Variants in MAN2A1 observed in about 807,000 individuals in gnomAD.
The protein encoded by MAN2A1 is alpha-mannosidase 2.
In MAN2A1, 76 loss-of-function variants were observed where a neutral mutation model predicts 142.6. The ratio of observed to expected loss-of-function variants is 0.53; its 90% CI spans 0.44 to 0.65. The LOEUF is 0.65. Among genes scored for constraint, MAN2A1 ranks in the 30% least tolerant of loss-of-function variants. The pLI is 0.00. For missense variants in MAN2A1, 1,311 were observed against 1,365.1 expected (o/e 0.96, Z 0.62); for synonymous variants, 559 against 473.2 (o/e 1.18, Z -2.35).
At position 109,753,406 on chromosome 5, in the gene MAN2A1, T is replaced by G. The variant is rs192473344; in HGVS notation, c.708-1923T>G. 4.1e-4 allele frequency among the ~76,000 whole-genome samples: 63 copies of G among 152,330 alleles called. 1 individual carries two copies. Among genetic ancestry groups the G allele is most frequent in the Middle Eastern group, 6.8e-3 (2 of 294 alleles). ...GGGCGTTTTTTAGAAATTTCCAGCTTCTTCATTGTAGATTCTTGATTTGGG... is the reference window on the plus strand; with the variant it reads ...GGGCGTTTTTTAGAAATTTCCAGCTGCTTCATTGTAGATTCTTGATTTGGG... On this transcript the variant is annotated intron_variant, in intron 4 of 21. Transcript: ENST00000261483.
At chr5:109,726,846 T>G (rs1245351090) in intron 3 of MAN2A1, among the ~76,000 whole-genome samples, 1 of 152,248 alleles carries the variant, frequency 6.6e-6, no homozygotes, top group Admixed American at 6.5e-5. Flanking sequence ...TTTATAGTTC[T>G]TTAGCTAGTA....
chr5:109,707,983 G>A (rs761879363), intron 1 of MAN2A1, among the ~76,000 whole-genome samples: 3 of 152,050 alleles, frequency 2.0e-5, no homozygotes, highest in East Asian at 3.9e-4. Context: ...AGGTTTCAGC[G>A]GGAGATACAA....
chr5:109,788,946 G>T lies in MAN2A1; in HGVS notation c.1773G>T (p.Ser591=), dbSNP rs751012585. 30 of 1,552,120 alleles carry T rather than the reference G, an allele frequency of 1.9e-5. No individual in the cohort carries two copies. The highest frequency in any genetic ancestry group is 1.7e-4 in the Middle Eastern group (1 of 5,916). ...TTTTGATTTACAGACTTTTTCATTCGTTAATGGTTTTGGAGAAGATAATTG... is the reference window on the plus strand; with the variant it reads ...TTTTGATTTACAGACTTTTTCATTCTTTAATGGTTTTGGAGAAGATAATTG... ...VVDYGTRLFH[S]LMVLEKIIGN... The change falls in exon 11 of 22, where the codon TCG becomes TCT. Residue 591 remains serine (S), a synonymous_variant. Transcript: ENST00000261483.
intron 20 of MAN2A1, among the ~76,000 whole-genome samples, chr5:109,860,948 T>A (rs1417406838): frequency 6.6e-6 from 1 of 152,240 alleles, no homozygotes; most frequent in Non-Finnish European, 1.5e-5. Context: ...CAGTATTTTG[T>A]TATTTTACAT....
chr5:109,811,573 C>CGTGT (rs70999943), intron 12 of MAN2A1, among the ~76,000 whole-genome samples: 5,156 of 144,978 alleles, frequency 0.036, 106 homozygotes, highest in Middle Eastern at 0.066. Flanking sequence ...TCCTAACAGC[C>CGTGT]GTGTGTGTGT....
At chr5:109,795,937 A>G (rs1378731641) in intron 12 of MAN2A1, among the ~76,000 whole-genome samples, 1 of 152,166 alleles carries the variant, frequency 6.6e-6, no homozygotes, top group East Asian at 1.9e-4. Context: ...CTTGTAGCTA[A>G]CAGGCTGTTA....
chr5:109,779,580 C>G (rs1311827268), intron 8 of MAN2A1, among the ~76,000 whole-genome samples: 2 of 121,130 alleles, frequency 1.7e-5, no homozygotes, highest in Non-Finnish European at 3.7e-5. Context: ...CACACACACA[C>G]ACAAACACAC....
At chr5:109,866,439 G>A (rs1415628558) in intron 21 of MAN2A1, among the ~76,000 whole-genome samples, 2 of 152,150 alleles carry the variant, frequency 1.3e-5, no homozygotes, top group Non-Finnish European at 2.9e-5. Context: ...TTAGGGGTAA[G>A]TATTGACTAA....
At chr5:109,703,734 GTAAT>G (rs1337304306) in intron 1 of MAN2A1, among the ~76,000 whole-genome samples, 1 of 152,146 alleles carries the variant, frequency 6.6e-6, no homozygotes, top group Admixed American at 6.5e-5. Context: ...GGATTTGTAA[GTAAT>G]AAAACTGCAT....
At chr5:109,860,964 A>G (rs369886329) in intron 20 of MAN2A1, among the ~76,000 whole-genome samples, 1 of 152,196 alleles carries the variant, frequency 6.6e-6, no homozygotes, top group African/African-American at 2.4e-5. Context: ...TACATCAAAA[A>G]TATTTTTTAT....
chr5:109,691,868 T>C (rs1750681726), intron 1 of MAN2A1, among the ~76,000 whole-genome samples: 1 of 152,224 alleles, frequency 6.6e-6, no homozygotes, highest in African/African-American at 2.4e-5. Flanking sequence ...TGTCCAGTGC[T>C]TCTTGATGAG....
intron 12 of MAN2A1, among the ~76,000 whole-genome samples, chr5:109,802,482 G>T (rs1197503271): frequency 6.6e-6 from 1 of 152,072 alleles, no homozygotes; most frequent in Non-Finnish European, 1.5e-5. Flanking sequence ...TAGAGTATTG[G>T]TTTGGGCGAA....
intron 5 of MAN2A1, among the ~76,000 whole-genome samples, chr5:109,765,879 T>G (rs1752975657): frequency 6.6e-6 from 1 of 152,108 alleles, no homozygotes; most frequent in African/African-American, 2.4e-5. Flanking sequence ...GTCTCTTTGC[T>G]TTATGACGCA....
intron 3 of MAN2A1, among the ~76,000 whole-genome samples, chr5:109,722,890 C>T (rs1450293040): frequency 6.6e-6 from 1 of 152,124 alleles, no homozygotes; most frequent in African/African-American, 2.4e-5. Context: ...TTTCAAATAA[C>T]CAAGCTCTGT....
At position 109,729,440 on chromosome 5, in the gene MAN2A1, A is replaced by C; in HGVS notation, c.634A>C (p.Ile212Leu). 6.2e-7 allele frequency: 1 copy of C among 1,604,436 alleles called. No individual in the cohort carries two copies. Among genetic ancestry groups the C allele is most frequent in the Non-Finnish European group, 8.5e-7 (1 of 1,173,990 alleles). ...GAAAGAAGACTCACGGAGGAAGTTT[A>C]TTTGGTCTGAGATCTCTTACCTTTC... ...KLKEDSRRKF[I>L]WSEISYLSKW... The change falls in exon 4 of 22, where the codon ATT becomes CTT. Residue 212 changes from isoleucine to leucine, a missense_variant. Ile to Leu is a conservative substitution (Grantham distance 5). Transcript: ENST00000261483.
At chr5:109,722,577 G>T (rs1200561486) in intron 3 of MAN2A1, among the ~76,000 whole-genome samples, 1 of 152,088 alleles carries the variant, frequency 6.6e-6, no homozygotes, top group Non-Finnish European at 1.5e-5. Flanking sequence ...ACAGTGCCTA[G>T]CTATTTTTTT....
At chr5:109,721,985 T>C (rs890655727) in intron 3 of MAN2A1, among the ~76,000 whole-genome samples, 5 of 152,194 alleles carry the variant, frequency 3.3e-5, no homozygotes, top group Non-Finnish European at 1.5e-5. Context: ...CCTCCCTTCA[T>C]AGATGTGGGA....
chr5:109,801,276 A>G (rs116652398), intron 12 of MAN2A1, among the ~76,000 whole-genome samples: 1 of 152,132 alleles, frequency 6.6e-6, no homozygotes, highest in Non-Finnish European at 1.5e-5. Flanking sequence ...TCCTGCTTCT[A>G]CATACAGTAC....
At chr5:109,702,047 G>A (rs1246731183) in intron 1 of MAN2A1, among the ~76,000 whole-genome samples, 1 of 152,094 alleles carries the variant, frequency 6.6e-6, no homozygotes, top group African/African-American at 2.4e-5. Flanking sequence ...GCTTAGTGAG[G>A]GCAGGGCCAA....
Sources: gnomAD v4.1 joint callset for allele counts (sites outside exome capture counted in the v4.1 genomes callset) on GRCh38, gnomAD v4.1.1 for gene constraint, MANE v1.5 for transcripts, NCBI Gene and HGNC (gene_info 2026-07-23, HGNC 2026-07-21) for gene names.